The following CLOCK variants were observed in gnomAD, a reference collection of about 807,000 sequenced individuals.
CLOCK encodes the protein clock circadian regulator.
Under a neutral mutation model 118.4 loss-of-function variants are expected in CLOCK, and 43 were observed. That is an observed-to-expected ratio of 0.36 (90% confidence interval 0.28 to 0.47). CLOCK has a LOEUF of 0.47. Ranked by LOEUF, CLOCK falls within the 20% of genes least tolerant of loss-of-function variation. The pLI, the probability that CLOCK is intolerant of heterozygous loss-of-function variation, is 1.00. For synonymous variants in CLOCK, 326 were observed against 339.2 expected, an observed-to-expected ratio of 0.96 and a Z score of 0.43; for missense variants, 846 against 999.9, an observed-to-expected ratio of 0.85 and a Z score of 2.08.
At chr4:55,482,584 T>C (rs375767320) in intron 4 of CLOCK, among the ~76,000 whole-genome samples, 155 bp downstream of exon 4, 1 of 152,176 alleles carries the variant, frequency 6.6e-6, no homozygotes, top group African/African-American at 2.4e-5. Context: ...CCTTACTTAT[T>C]TTTTTATACT....
chr4:55,480,316 G>A (rs1353837283), intron 4 of CLOCK, among the ~76,000 whole-genome samples: 1 of 152,116 alleles, frequency 6.6e-6, no homozygotes, highest in Non-Finnish European at 1.5e-5. Flanking sequence ...CCAGACTGGA[G>A]TGCAGTTGCA....
chr4:55,491,234 T>TAAAAAA (rs34441416), intron 2 of CLOCK, among the ~76,000 whole-genome samples: 5 of 44,354 alleles, frequency 1.1e-4, no homozygotes, highest in African/African-American at 4.6e-4. Flanking sequence ...GCAGGTGTGC[T>TAAAAAA]AAAAAAAAAA....
rs1242596883 is a variant in CLOCK, at chr4:55,479,806, AATGAGTT to A, written c.48-114_48-108del. On this transcript the variant is annotated intron_variant, in intron 4 of 22. Transcript: ENST00000513440. Reference sequence around the variant, plus strand: ...TATGCCCTATGATTTTTGTAAAGTTAATGAGTTATAACATTCAAACTACTAACCTATT... The same window carrying A: ...TATGCCCTATGATTTTTGTAAAGTTAATAACATTCAAACTACTAACCTATT... 3 of 853,934 alleles carry A rather than the reference AATGAGTT, an allele frequency of 3.5e-6. No homozygotes were observed. The African/African-American group carries it at 5.0e-5, about 14-fold the overall frequency. 52.9% of individuals were successfully genotyped at this position (853,934 alleles called of 1,614,324 possible).
At chr4:55,496,207 CAA>C in intron 2 of CLOCK, among the ~76,000 whole-genome samples, 1 of 151,238 alleles carries the variant, frequency 6.6e-6, no homozygotes, top group East Asian at 1.9e-4. Flanking sequence ...AAGAAACAAT[CAA>C]AAAACAAAAA....
intron 18 of CLOCK, among the ~76,000 whole-genome samples, chr4:55,445,999 T>C (rs1219061053): frequency 6.6e-6 from 1 of 152,112 alleles, no homozygotes; most frequent in Non-Finnish European, 1.5e-5. Flanking sequence ...CTGGTATGCT[T>C]CTGGCTTCTG....
At chr4:55,473,790 T>C (rs1193856726) in intron 7 of CLOCK, among the ~76,000 whole-genome samples, 2 of 152,158 alleles carry the variant, frequency 1.3e-5, no homozygotes, top group Non-Finnish European at 2.9e-5. Context: ...TCTTGCAATA[T>C]TTCAAACTTT....
Position 55,458,943 on chromosome 4 carries a change from A to G in CLOCK, c.741T>C (p.Asp247=), listed in dbSNP as rs757449423. The change falls in exon 11 of 23, where the codon GAT becomes GAC. Residue 247 remains aspartate (D), a synonymous_variant. Transcript: ENST00000513440. ...IQRTHRPSYE[D]RVCFVATVRL... ...TGACAGTAGCTACAAAACAAACTCT[A>G]TCTTCATAAGATGGCCTATGTGTGC... 5 of 1,613,972 alleles carry G rather than the reference A, an allele frequency of 3.1e-6. No individual in the cohort carries two copies. Among genetic ancestry groups the G allele is most frequent in the East Asian group, 2.2e-5 (1 of 44,822 alleles).
Position 55,435,199 on chromosome 4 carries a change from G to C in CLOCK, c.*216C>G. The C allele has an allele frequency of 1.7e-6, 1 of 583,882 alleles. No individual in the cohort carries two copies. The highest frequency in any genetic ancestry group is 4.8e-4 in the Middle Eastern group (1 of 2,088). The allele number at this position is 583,882 out of a possible 1,614,324, so 36.2% of individuals were successfully genotyped here. ...GGCACCTAAAACACTGTCAGAACTG[G>C]CTATGCCCCTATGATCACCTCCTGC... is the stretch of plus-strand genomic sequence containing the variant. On this transcript the variant is annotated 3_prime_UTR_variant, in exon 23 of 23. Transcript: ENST00000513440.
chr4:55,465,851 C>G (rs1577730422), intron 8 of CLOCK, among the ~76,000 whole-genome samples: 1 of 152,142 alleles, frequency 6.6e-6, no homozygotes, highest in African/African-American at 2.4e-5. Context: ...ACTCAGGAGG[C>G]TGAGGCAGGA....
chr4:55,444,562 G>A, intron 19 of CLOCK, 71 bp downstream of exon 19: 1 of 1,589,092 alleles, frequency 6.3e-7, no homozygotes, highest in East Asian at 2.2e-5. Context: ...TTTTAATTAA[G>A]AAAAGTTAAT....
chr4:55,461,744 A>C (rs1162381930), intron 9 of CLOCK, among the ~76,000 whole-genome samples: 7 of 152,134 alleles, frequency 4.6e-5, no homozygotes, highest in African/African-American at 9.7e-5. Context: ...TAGGCAACCC[A>C]CTGCTGCAAG....
At chr4:55,487,609 T>C (rs181282064) in intron 3 of CLOCK, among the ~76,000 whole-genome samples, 138 of 152,262 alleles carry the variant, frequency 9.1e-4, no homozygotes, top group African/African-American at 3.0e-3. Context: ...TCTCCAGACT[T>C]CTGCTAAGAT....
intron 17 of CLOCK, 122 bp downstream of exon 17, chr4:55,449,274 T>G: frequency 2.3e-6 from 2 of 858,308 alleles, no homozygotes; most frequent in Non-Finnish European, 3.9e-6. Flanking sequence ...AAGTGTCACA[T>G]ATCAGTAACT....
intron 1 of CLOCK, among the ~76,000 whole-genome samples, chr4:55,514,931 T>C (rs1729409702): frequency 6.6e-6 from 1 of 152,224 alleles, no homozygotes; most frequent in Non-Finnish European, 1.5e-5. Flanking sequence ...GCTTCTGTCT[T>C]GCAAAAGAGA....
chr4:55,483,499 A>T (rs1727076464), intron 3 of CLOCK, among the ~76,000 whole-genome samples: 1 of 152,146 alleles, frequency 6.6e-6, no homozygotes, highest in Non-Finnish European at 1.5e-5. Flanking sequence ...TCAAAGGCAA[A>T]ATCTTAATGA....
chr4:55,516,608 T>A (rs1380906321), intron 1 of CLOCK, among the ~76,000 whole-genome samples: 1 of 152,222 alleles, frequency 6.6e-6, no homozygotes, highest in Non-Finnish European at 1.5e-5. Flanking sequence ...TGGGTTTTTT[T>A]GGTAGACAAC....
chr4:55,449,040 T>A (rs1724195365), intron 17 of CLOCK, among the ~76,000 whole-genome samples, 172 bp from the exon 18 acceptor site: 1 of 152,172 alleles, frequency 6.6e-6, no homozygotes, highest in Non-Finnish European at 1.5e-5. Flanking sequence ...CTGTTCCCTA[T>A]TTATCTTTTA....
chr4:55,542,367 ATAATAATAATAATAT>A (rs202138690), intron 1 of CLOCK, among the ~76,000 whole-genome samples: 5,555 of 46,362 alleles, frequency 0.12, 352 homozygotes, highest in African/African-American at 0.28. Flanking sequence ...AATAATAATA[ATAATAATAATAATAT>A]TATTATTATT....
chr4:55,490,221 G>T (rs1418444459), intron 2 of CLOCK, among the ~76,000 whole-genome samples: 2 of 151,932 alleles, frequency 1.3e-5, no homozygotes, highest in Non-Finnish European at 2.9e-5. Context: ...GAGTATAAGT[G>T]ACCATACTTA....
Sources: gnomAD v4.1 joint callset for allele counts (sites outside exome capture counted in the v4.1 genomes callset) on GRCh38, gnomAD v4.1.1 for gene constraint, MANE v1.5 for transcripts, NCBI Gene and HGNC (gene_info 2026-07-23, HGNC 2026-07-21) for gene names.